The following PAM variants were observed in gnomAD, a reference collection of about 807,000 sequenced individuals.
PAM encodes the protein peptidylglycine alpha-amidating monooxygenase, also known as peptidyl-glycine alpha-amidating monooxygenase.
A neutral mutation model predicts 122.1 loss-of-function variants in PAM; 72 were observed. The ratio of observed to expected loss-of-function variants is 0.59; its 90% CI spans 0.49 to 0.72. PAM has a LOEUF of 0.72. PAM is among the 30% of genes least tolerant of loss of function. The probability of loss-of-function intolerance (pLI) is 0.00; values close to 1 mark genes in which losing one functional copy is unlikely to be tolerated. For missense variants in PAM, 1,106 were observed against 1,183.7 expected (o/e 0.93, Z 0.96); for synonymous variants, 389 against 404.4 (o/e 0.96, Z 0.46).
At chr5:102,889,262 G>A (rs1039650606) in intron 3 of PAM, among the ~76,000 whole-genome samples, 1 of 151,888 alleles carries the variant, frequency 6.6e-6, no homozygotes. Flanking sequence ...CAGAAGACTG[G>A]GCAGCAGGAG....
In PAM at chr5:102,960,070, A is replaced by G; in HGVS notation, c.1090+11A>G. 1 of 1,412,292 alleles carries G rather than the reference A, an allele frequency of 7.1e-7. No individual in the cohort carries two copies. Among genetic ancestry groups the G allele is most frequent in the Non-Finnish European group, 9.9e-7 (1 of 1,014,970 alleles). The allele number at this position is 1,412,292 out of a possible 1,614,324, so 87.5% of individuals were successfully genotyped here. A position where few individuals can be genotyped will look rare whatever the true frequency, so the allele number is the denominator to read the frequency against. ...ATGAACATCATAAAGGTAATAATTG[A>G]TGTTTAATATAAAGTAATATATGAT... On this transcript the variant is annotated intron_variant, in intron 13 of 25. Transcript: ENST00000438793.
At chr5:102,760,665 G>A (rs1423858230) in intron 1 of PAM, among the ~76,000 whole-genome samples, 1 of 152,154 alleles carries the variant, frequency 6.6e-6, no homozygotes, top group Non-Finnish European at 1.5e-5. Context: ...CTGGTTTAAA[G>A]CTTCAAATTT....
At chr5:102,931,557 C>T (rs927353554) in intron 7 of PAM, among the ~76,000 whole-genome samples, 1 of 152,162 alleles carries the variant, frequency 6.6e-6, no homozygotes, top group African/African-American at 2.4e-5. Flanking sequence ...GCTCTCCTCT[C>T]ATTTTTAGAA....
At chr5:102,899,641 G>C (rs779215361) in intron 3 of PAM, among the ~76,000 whole-genome samples, 29 of 151,638 alleles carry the variant, frequency 1.9e-4, no homozygotes, top group Non-Finnish European at 3.4e-4. Context: ...ATAATGCACA[G>C]AGTGCATATA....
intron 1 of PAM, among the ~76,000 whole-genome samples, chr5:102,839,360 A>G (rs1407298967): frequency 6.6e-6 from 1 of 152,006 alleles, no homozygotes; most frequent in Non-Finnish European, 1.5e-5. Context: ...CTGAAAGTGA[A>G]TGTGTATCAT....
At chr5:102,951,014 C>G (rs770429022) in intron 12 of PAM, among the ~76,000 whole-genome samples, 194 bp downstream of exon 12, 1 of 152,018 alleles carries the variant, frequency 6.6e-6, no homozygotes, top group African/African-American at 2.4e-5. Context: ...TTTTTTTGTG[C>G]TACTCTTTTT....
intron 19 of PAM, 97 bp from the exon 20 acceptor site, chr5:103,007,360 T>C: frequency 1.0e-6 from 1 of 958,574 alleles, no homozygotes; most frequent in Non-Finnish European, 1.6e-6. Context: ...CTCCAGGCAT[T>C]TAATGGTTTA....
intron 14 of PAM, among the ~76,000 whole-genome samples, chr5:102,964,582 T>C (rs1352332472): frequency 6.6e-6 from 1 of 151,886 alleles, no homozygotes; most frequent in Non-Finnish European, 1.5e-5. Flanking sequence ...AATGCTTATT[T>C]TGACTGATTT....
At chr5:102,783,997 C>T (rs1759777651) in intron 1 of PAM, among the ~76,000 whole-genome samples, 1 of 151,838 alleles carries the variant, frequency 6.6e-6, no homozygotes, top group South Asian at 2.1e-4. Context: ...CCAGGGTTCA[C>T]GCCATTCTGC....
chr5:102,757,501 T>A (rs1027265741), intron 1 of PAM, among the ~76,000 whole-genome samples: 1 of 152,186 alleles, frequency 6.6e-6, no homozygotes, highest in African/African-American at 2.4e-5. Context: ...AATGAAAGCT[T>A]AGGAAAACAT....
chr5:102,756,860 C>T (rs1392027653), intron 1 of PAM, among the ~76,000 whole-genome samples: 2 of 152,172 alleles, frequency 1.3e-5, no homozygotes, highest in African/African-American at 4.8e-5. Context: ...GCGATGCACT[C>T]TGCTATATGC....
At chr5:102,919,107 A>G (rs752275766) in intron 5 of PAM, among the ~76,000 whole-genome samples, 1 of 152,124 alleles carries the variant, frequency 6.6e-6, no homozygotes, top group African/African-American at 2.4e-5. Context: ...ATCATTCTCA[A>G]GCTAAAGCAG....
intron 24 of PAM, among the ~76,000 whole-genome samples, chr5:103,026,275 T>G (rs570492033): frequency 1.3e-5 from 2 of 152,126 alleles, no homozygotes; most frequent in Admixed American, 1.3e-4. Context: ...AAGAAATCCA[T>G]GGATCAGGGA....
intron 5 of PAM, among the ~76,000 whole-genome samples, chr5:102,920,080 C>G (rs919541280): frequency 6.6e-5 from 10 of 151,994 alleles, no homozygotes; most frequent in Admixed American, 1.3e-4. Flanking sequence ...ATCTTGGTTT[C>G]AAATCTCAGC....
chr5:102,765,991 C>A (rs1428106168), intron 1 of PAM, among the ~76,000 whole-genome samples: 4 of 152,034 alleles, frequency 2.6e-5, no homozygotes, highest in African/African-American at 9.7e-5. Context: ...CACAACTCAA[C>A]CCATATCGGC....
intron 1 of PAM, among the ~76,000 whole-genome samples, chr5:102,774,246 A>G (rs755608874): frequency 3.9e-5 from 6 of 152,204 alleles, no homozygotes; most frequent in Non-Finnish European, 5.9e-5. Flanking sequence ...GGATTGCTGG[A>G]TCAAATGGTA....
At chr5:103,002,278 T>G (rs531609638) in intron 16 of PAM, among the ~76,000 whole-genome samples, 2 of 152,218 alleles carry the variant, frequency 1.3e-5, no homozygotes, top group Non-Finnish European at 2.9e-5. Context: ...AAATATAATT[T>G]TGAAAGTATA....
intron 4 of PAM, among the ~76,000 whole-genome samples, chr5:102,908,581 G>A (rs184786719): frequency 6.9e-6 from 1 of 145,334 alleles, no homozygotes; most frequent in East Asian, 2.2e-4. Context: ...GTGTGGGGAG[G>A]GGGGAGGGAT....
In PAM at chr5:102,850,889, G is replaced by A. The variant is rs1476702530; in HGVS notation, c.-373-14934G>A. ...TCTAGAGGTAGAAAAAAGAGCAGGA[G>A]TAACTACTGACTACCATTTGGTCTC... On this transcript the variant is annotated intron_variant, in intron 1 of 25. Coordinates refer to ENST00000438793, the MANE Select transcript of PAM (RefSeq NM_001177306.2). Among the ~76,000 whole-genome samples the A allele has an allele frequency of 3.3e-5, 5 of 152,198 alleles. No individual in the cohort carries two copies. In the South Asian group the frequency reaches 8.3e-4, roughly 25 times the overall value.
Sources: gnomAD v4.1 joint callset for allele counts (sites outside exome capture counted in the v4.1 genomes callset) on GRCh38, gnomAD v4.1.1 for gene constraint, MANE v1.5 for transcripts, NCBI Gene and HGNC (gene_info 2026-07-23, HGNC 2026-07-21) for gene names.